The following PCDH15 variants were observed in gnomAD, a reference collection of about 807,000 sequenced individuals.
The protein encoded by PCDH15 is protocadherin related 15.
PCDH15 carries 129 observed loss-of-function variants against 178.5 expected under a neutral mutation model. The ratio of observed to expected loss-of-function variants is 0.72; its 90% CI spans 0.63 to 0.84. PCDH15 has a LOEUF of 0.84. Ranked by LOEUF, PCDH15 falls within the 40% of genes least tolerant of loss-of-function variation. The probability of loss-of-function intolerance (pLI) is 0.00; values close to 1 mark genes in which losing one functional copy is unlikely to be tolerated. For synonymous variants in PCDH15, 800 were observed against 732.0 expected (o/e 1.09, Z -1.50); for missense variants, 2,230 against 2,099.9 (o/e 1.06, Z -1.21).
intron 2 of PCDH15, among the ~76,000 whole-genome samples, chr10:54,996,793 G>A (rs1365093943): frequency 1.3e-5 from 2 of 152,032 alleles, no homozygotes; most frequent in African/African-American, 4.8e-5. Context: ...GTTCTTTGGA[G>A]TCTGGGGAGG....
intron 2 of PCDH15, among the ~76,000 whole-genome samples, chr10:54,950,828 T>C (rs1194795513): frequency 2.0e-5 from 3 of 151,924 alleles, no homozygotes; most frequent in African/African-American, 7.2e-5. Flanking sequence ...GGGGACATAG[T>C]CAAACTATAT....
upstream of PCDH15, among the ~76,000 whole-genome samples, chr10:55,324,182 C>G (rs538904019): frequency 3.3e-5 from 5 of 152,214 alleles, no homozygotes; most frequent in African/African-American, 1.2e-4. Flanking sequence ...AAATTTATTT[C>G]CTTTACAAGT....
chr10:54,417,615 C>T (rs1619477), intron 3 of PCDH15, among the ~76,000 whole-genome samples: 31 of 151,882 alleles, frequency 2.0e-4, no homozygotes, highest in Non-Finnish European at 3.2e-4. Flanking sequence ...TTATTTCACC[C>T]GATTATTAAT....
chr10:54,192,107 GAAAAA>G (rs35501378), intron 11 of PCDH15, among the ~76,000 whole-genome samples: 27 of 90,464 alleles, frequency 3.0e-4, no homozygotes, highest in South Asian at 2.1e-3. Flanking sequence ...AAGGAAGAAA[GAAAAA>G]AAAAAAAGAA....
chr10:53,965,501 A>G (rs1005131728), intron 21 of PCDH15, among the ~76,000 whole-genome samples: 5 of 152,238 alleles, frequency 3.3e-5, no homozygotes, highest in African/African-American at 4.8e-5. Flanking sequence ...AAATCAACTT[A>G]ACATTTTTCA....
intron 1 of PCDH15, among the ~76,000 whole-genome samples, chr10:55,258,851 A>C (rs1333303077): frequency 6.7e-6 from 1 of 148,944 alleles, no homozygotes; most frequent in African/African-American, 2.5e-5. Context: ...TACCTTCTTC[A>C]ACTGTAACCG....
At chr10:54,535,569 G>C (rs1038066822) in intron 2 of PCDH15, among the ~76,000 whole-genome samples, 1 of 151,974 alleles carries the variant, frequency 6.6e-6, no homozygotes, top group South Asian at 2.1e-4. Context: ...AATTAGCTGG[G>C]CGTGGTGGCG....
intron 1 of PCDH15, among the ~76,000 whole-genome samples, chr10:55,283,393 G>T (rs917861163): frequency 6.6e-6 from 1 of 151,896 alleles, no homozygotes; most frequent in African/African-American, 2.4e-5. Context: ...AATTCGTGGG[G>T]AGACTGATTT....
chr10:55,012,952 A>T (rs1489298434), intron 2 of PCDH15, among the ~76,000 whole-genome samples: 1 of 152,138 alleles, frequency 6.6e-6, no homozygotes, highest in African/African-American at 2.4e-5. Flanking sequence ...ATGTGTCAAA[A>T]TTACTTCAAG....
At chr10:54,251,222 A>G (rs538064328) in intron 8 of PCDH15, among the ~76,000 whole-genome samples, 6 of 152,180 alleles carry the variant, frequency 3.9e-5, no homozygotes, top group African/African-American at 1.4e-4. Context: ...TCTGGTAGAA[A>G]TTTGCTTTTA....
chr10:53,943,670 G>T (rs2086275007), intron 23 of PCDH15, among the ~76,000 whole-genome samples: 1 of 151,938 alleles, frequency 6.6e-6, no homozygotes, highest in South Asian at 2.1e-4. Flanking sequence ...ACCACTAAAA[G>T]CATTTAAAAT....
intron 2 of PCDH15, among the ~76,000 whole-genome samples, chr10:55,476,905 TTACAGACTA>T (rs955526254): frequency 1.3e-5 from 2 of 151,918 alleles, no homozygotes; most frequent in African/African-American, 4.8e-5. Context: ...CCTCGTGCCT[TTACAGACTA>T]AGAAAAAAAT....
At chr10:54,553,960 T>G (rs180849227) in intron 2 of PCDH15, among the ~76,000 whole-genome samples, 1 of 152,218 alleles carries the variant, frequency 6.6e-6, no homozygotes, top group Non-Finnish European at 1.5e-5. Context: ...ATCTACATTA[T>G]AAATCTAATT....
rs545738763 is a variant in PCDH15, at chr10:54,234,891, G to GA, written c.985+1931dup. Among the ~76,000 whole-genome samples the GA allele has an allele frequency of 3.3e-4, 50 of 152,166 alleles. No individual in the cohort carries two copies. In the South Asian group the frequency reaches 9.6e-3, roughly 29 times the overall value. On this transcript the variant is annotated intron_variant, in intron 9 of 37. Coordinates refer to ENST00000644397, the MANE Select transcript of PCDH15 (RefSeq NM_001384140.1). ...TAATTGGCTCCTCATTTCACTCAGA[G>GA]AAAAATACAAAGTAGATAAATAACA...
At chr10:54,038,010 CT>C (rs1263375337) in intron 18 of PCDH15, among the ~76,000 whole-genome samples, 3 of 151,894 alleles carry the variant, frequency 2.0e-5, no homozygotes, top group Non-Finnish European at 4.4e-5. Flanking sequence ...TTAGAAAAGA[CT>C]GGGCTCAGAG....
At position 54,627,715 on chromosome 10, in the gene PCDH15, G is replaced by C. The variant is rs891794398; in HGVS notation, c.91+36457C>G. Among the ~76,000 whole-genome samples the C allele has an allele frequency of 2.0e-5, 3 of 152,314 alleles. No individual in the cohort carries two copies. The East Asian group carries it at 5.8e-4, about 29-fold the overall frequency. On this transcript the variant is annotated intron_variant, in intron 2 of 37. Transcript: ENST00000644397. ...TAGCAATGTTGATGTTTGTCAGGTAGACATTTAAGTGGGCTGGGATTGTTA... is the reference window on the plus strand; with the variant it reads ...TAGCAATGTTGATGTTTGTCAGGTACACATTTAAGTGGGCTGGGATTGTTA...
chr10:53,979,019 G>C (rs944373002), intron 21 of PCDH15, among the ~76,000 whole-genome samples: 3 of 152,042 alleles, frequency 2.0e-5, no homozygotes, highest in African/African-American at 7.2e-5. Flanking sequence ...CCTCCAAACT[G>C]TTCCAACCTC....
At chr10:55,495,855 A>G (rs1049383698) in intron 2 of PCDH15, among the ~76,000 whole-genome samples, 1 of 151,868 alleles carries the variant, frequency 6.6e-6, no homozygotes, top group Non-Finnish European at 1.5e-5. Context: ...TGATGAATGG[A>G]TAAATAAAGT....
At position 54,768,355 on chromosome 10, in the gene PCDH15, C is replaced by G. The variant is rs147681724; in HGVS notation, c.-29+32570G>C. ...GGACTACAAGAGTTCTGAGGCCCCA[C>G]TGAGCTCTGTTGTCCGTTGATTTAC... is the stretch of plus-strand genomic sequence containing the variant. On this transcript the variant is annotated intron_variant, in intron 1 of 37. Transcript: ENST00000644397. Among the ~76,000 whole-genome samples, 222 of 152,256 alleles carry G rather than the reference C, an allele frequency of 1.5e-3. 3 individuals carry two copies. The highest frequency in any genetic ancestry group is 4.8e-3 in the African/African-American group (199 of 41,538).
Sources: gnomAD v4.1 joint callset for allele counts (sites outside exome capture counted in the v4.1 genomes callset) on GRCh38, gnomAD v4.1.1 for gene constraint, MANE v1.5 for transcripts, NCBI Gene and HGNC (gene_info 2026-07-23, HGNC 2026-07-21) for gene names.